Variants in LGALS9 observed in about 807,000 individuals in gnomAD.
LGALS9 encodes the protein galectin-9.
LGALS9 carries 26 observed loss-of-function variants against 35.9 expected under a neutral mutation model. The observed-to-expected ratio is 0.72, with a 90% CI of 0.53 to 1.01. The LOEUF is 1.01. LGALS9 is among the 50% of genes least tolerant of loss of function. LGALS9 has a pLI of 0.00. For synonymous variants in LGALS9, 149 were observed against 172.2 expected, an observed-to-expected ratio of 0.87 and a Z score of 1.06; for missense variants, 347 against 445.8, an observed-to-expected ratio of 0.78 and a Z score of 1.99.
In LGALS9 at chr17:27,640,269, G is replaced by A. The variant is rs143928667; in HGVS notation, c.132-303G>A. The A allele has an allele frequency of 5.8e-5, 25 of 434,318 alleles. 1 individual carries two copies. Among genetic ancestry groups the A allele is most frequent in the African/African-American group, 2.4e-4 (12 of 49,622 alleles). The allele number at this position is 434,318 out of a possible 1,614,324, so 26.9% of individuals were successfully genotyped here. The stretch of plus-strand genomic sequence containing the variant: ...GGTGTGCTTAACAACTTCCATCTTC[G>A]GTATCAATTGGTAATCACTTTCCAA... On this transcript the variant is annotated intron_variant, in intron 2 of 10. Transcript: ENST00000395473.
chr17:27,640,667 C>A lies in LGALS9; in HGVS notation c.227C>A (p.Thr76Lys). Residue 76 changes from threonine (T) to lysine (K), a missense_variant, in exon 3 of 11, where the codon ACG (threonine) becomes AAG (lysine). Transcript: ENST00000395473. ...FEDGGYVVCN[T>K]RQNGSWGPEE... is the part of the protein sequence containing the mutation. ...GATGGAGGGTACGTGGTGTGCAACACGAGGCAGAACGGAAGCTGGGGGCCC... is the reference window on the plus strand; with the variant it reads ...GATGGAGGGTACGTGGTGTGCAACAAGAGGCAGAACGGAAGCTGGGGGCCC... The A allele has an allele frequency of 6.2e-7, 1 of 1,614,184 alleles. No homozygotes were observed. Among genetic ancestry groups the A allele is most frequent in the African/African-American group, 1.3e-5 (1 of 75,048 alleles).
chr17:27,641,062 T>G, intron 3 of LGALS9: 3 of 613,860 alleles, frequency 4.9e-6, no homozygotes, highest in Non-Finnish European at 6.2e-6. Context: ...GCTCATTCCA[T>G]TCCTCTGCTA....
chr17:27,638,681 C>T (rs2074482002), intron 2 of LGALS9: 1 of 387,506 alleles, frequency 2.6e-6, no homozygotes, highest in South Asian at 2.4e-5. Context: ...ATCAAACTTC[C>T]TCCATTTCCC....
At chr17:27,640,920 C>A in intron 3 of LGALS9, 147 bp downstream of exon 3, 1 of 1,260,272 alleles carries the variant, frequency 7.9e-7, no homozygotes. Flanking sequence ...GAGGTGTTAC[C>A]CATGGCTGCC....
chr17:27,635,901 G>C (rs1567911957), intron 1 of LGALS9, among the ~76,000 whole-genome samples: 1 of 152,206 alleles, frequency 6.6e-6, no homozygotes, highest in Non-Finnish European at 1.5e-5. Context: ...AATTGGATCA[G>C]GCTGACTCTC....
At chr17:27,647,006 G>C in intron 8 of LGALS9, 24 bp from the exon 9 acceptor site, 2 of 1,613,860 alleles carry the variant, frequency 1.2e-6, no homozygotes. Context: ...CGTGGTGGCT[G>C]ACCTGTCCCC....
At chr17:27,643,456 C>T (rs1455603057) in intron 4 of LGALS9, 69 bp from the exon 5 acceptor site, 3 of 1,601,980 alleles carry the variant, frequency 1.9e-6, no homozygotes, top group Admixed American at 1.7e-5. Context: ...GCCCCTGCCT[C>T]TGCCTTTCGG....
In LGALS9 at chr17:27,647,031, C is replaced by G; in HGVS notation, c.671C>G (p.Pro224Arg). 1.2e-6 allele frequency: 2 copies of G among 1,613,980 alleles called. No individual in the cohort carries two copies. Among genetic ancestry groups the G allele is most frequent in the East Asian group, 4.5e-5 (2 of 44,882 alleles). The change falls in exon 9 of 11, where the codon CCG (proline) becomes CGG (arginine). Residue 224 changes from proline (P) to arginine (R), a missense_variant and splice_region_variant. Coordinates refer to ENST00000395473, the MANE Select transcript of LGALS9 (RefSeq NM_009587.3). The part of the protein sequence containing the change: ...PPMMYPHPAY[P>R]MPFITTILGG... Reference sequence around the variant, plus strand: ...GACCTGTCCCCCTTCTTCCGACAGCCGATGCCTTTCATCACCACCATTCTG... The same window carrying G: ...GACCTGTCCCCCTTCTTCCGACAGCGGATGCCTTTCATCACCACCATTCTG...
intron 1 of LGALS9, among the ~76,000 whole-genome samples, chr17:27,636,077 C>G (rs911077668): frequency 3.3e-5 from 5 of 152,166 alleles, no homozygotes; most frequent in African/African-American, 1.2e-4. Flanking sequence ...CAGAGTCTAA[C>G]TGAATCAGAT....
intron 8 of LGALS9, 113 bp from the exon 9 acceptor site, chr17:27,646,917 G>A: frequency 6.7e-7 from 1 of 1,492,166 alleles, no homozygotes; most frequent in South Asian, 1.2e-5. Flanking sequence ...GGCTTTTATG[G>A]AACCAAGTAA....
In LGALS9 at chr17:27,636,237, G is replaced by A. The variant is rs187332580; in HGVS notation, c.40-2026G>A. Among the ~76,000 whole-genome samples the A allele has an allele frequency of 9.2e-5, 14 of 152,236 alleles. No individual in the cohort carries two copies. In the East Asian group the frequency reaches 2.7e-3, roughly 29 times the overall value. On this transcript the variant is annotated intron_variant, in intron 1 of 10. Coordinates refer to ENST00000395473, the MANE Select transcript of LGALS9 (RefSeq NM_009587.3). ...TTTGGCTGGTGGGTGTTTTCTGTTTGGCCTGCACAGTGTTTCTTTTAACGT... is the reference window on the plus strand; with the variant it reads ...TTTGGCTGGTGGGTGTTTTCTGTTTAGCCTGCACAGTGTTTCTTTTAACGT...
intron 1 of LGALS9, among the ~76,000 whole-genome samples, chr17:27,635,366 G>C (rs1011042679): frequency 6.6e-6 from 1 of 151,894 alleles, no homozygotes; most frequent in East Asian, 1.9e-4. Context: ...CTTGAGCCAG[G>C]GGGTGGAGGC....
At position 27,649,195 on chromosome 17, in the gene LGALS9, C is replaced by G. The variant is rs1905143834; in HGVS notation, c.*213C>G. On this transcript the variant is annotated 3_prime_UTR_variant, in exon 11 of 11. Coordinates refer to ENST00000395473, the MANE Select transcript of LGALS9 (RefSeq NM_009587.3). ...ATTGCCTTCCTCAGCCGCAGCAGCA[C>G]CTGGGGCTCCAGCTGCTGGAATCCT... 5.7e-6 allele frequency: 4 copies of G among 706,584 alleles called. No homozygotes were observed. Among genetic ancestry groups the G allele is most frequent in the Non-Finnish European group, 9.4e-6 (4 of 423,860 alleles). The allele number at this position is 706,584 out of a possible 1,614,324, so 43.8% of individuals were successfully genotyped here. A position where few individuals can be genotyped will look rare whatever the true frequency, so the allele number is the denominator to read the frequency against.
intron 2 of LGALS9, among the ~76,000 whole-genome samples, chr17:27,639,005 T>A (rs2074486558): frequency 6.6e-6 from 1 of 151,964 alleles, no homozygotes; most frequent in Non-Finnish European, 1.5e-5. Flanking sequence ...TCTCTCCTGG[T>A]TTAGTGGGGG....
intron 5 of LGALS9, chr17:27,644,519 C>CCAGTTCACA (rs1904781290): frequency 6.6e-6 from 1 of 152,370 alleles, no homozygotes; most frequent in Admixed American, 6.5e-5. Context: ...GAATGGGATA[C>CCAGTTCACA]CAGCCAGGGC....
chr17:27,636,266 A>G (rs2074450216), intron 1 of LGALS9, among the ~76,000 whole-genome samples: 1 of 152,138 alleles, frequency 6.6e-6, no homozygotes, highest in African/African-American at 2.4e-5. Context: ...TTAACGTTTT[A>G]TTATAGGAAA....
chr17:27,645,981 G>A, intron 7 of LGALS9, 70 bp downstream of exon 7: 1 of 1,609,528 alleles, frequency 6.2e-7, no homozygotes, highest in South Asian at 1.1e-5. Context: ...AAACTCCCTA[G>A]AGCCCTAGAG....
At chr17:27,632,346 G>T (rs1269096284) in intron 1 of LGALS9, among the ~76,000 whole-genome samples, 3 of 152,172 alleles carry the variant, frequency 2.0e-5, no homozygotes, top group Non-Finnish European at 4.4e-5. Context: ...GCCAGGGTCG[G>T]GCTTGAGTGC....
At chr17:27,633,788 G>A (rs997604010) in intron 1 of LGALS9, among the ~76,000 whole-genome samples, 3 of 152,232 alleles carry the variant, frequency 2.0e-5, no homozygotes, top group African/African-American at 7.2e-5. Context: ...AACGCTGCCA[G>A]CCAGGGGCTC....
Sources: gnomAD v4.1 joint callset for allele counts (sites outside exome capture counted in the v4.1 genomes callset) on GRCh38, gnomAD v4.1.1 for gene constraint, MANE v1.5 for transcripts, NCBI Gene and HGNC (gene_info 2026-07-23, HGNC 2026-07-21) for gene names.